METTL16: variants seen among roughly 807,000 people sequenced by gnomAD.
METTL16 encodes the protein methyltransferase 16, RNA N6-adenosine, also known as RNA N(6)-adenosine-methyltransferase METTL16.
Under a neutral mutation model 57.9 loss-of-function variants are expected in METTL16, and 19 were observed. That is an observed-to-expected ratio of 0.33 (90% CI 0.23 to 0.48). The LOEUF is 0.48. Among genes scored for constraint, METTL16 ranks in the 20% least tolerant of loss-of-function variants. The probability of loss-of-function intolerance (pLI) is 0.99; values close to 1 mark genes in which losing one functional copy is unlikely to be tolerated. For missense variants in METTL16, 434 were observed against 691.5 expected (o/e 0.63, Z 4.18); for synonymous variants, 246 against 255.6 (o/e 0.96, Z 0.36).
At chr17:2,429,938 G>A (rs1040063341) in intron 8 of METTL16, among the ~76,000 whole-genome samples, 5 of 151,658 alleles carry the variant, frequency 3.3e-5, no homozygotes, top group Non-Finnish European at 5.9e-5. Context: ...AGCCTCCCGA[G>A]TAGCTGGGAT....
chr17:2,508,236 C>A (rs1016698847), intron 1 of METTL16, among the ~76,000 whole-genome samples: 2 of 152,092 alleles, frequency 1.3e-5, no homozygotes, highest in African/African-American at 4.8e-5. Flanking sequence ...TCTGTCAATG[C>A]TATTTCAGAT....
In METTL16 at chr17:2,451,444, C is replaced by G. The variant is rs1014670285; in HGVS notation, c.729-9885G>C. ...GACCAGCCTGGCCAACATGGGAAAC[C>G]CTGTCTCTATTAAAAAATACAAAAA... On this transcript the variant is annotated intron_variant, in intron 6 of 9. Transcript: ENST00000263092. Among the ~76,000 whole-genome samples the G allele has an allele frequency of 3.3e-5, 5 of 151,886 alleles. No homozygotes were observed. In the South Asian group the frequency reaches 1.0e-3, roughly 32 times the overall value.
intron 6 of METTL16, among the ~76,000 whole-genome samples, chr17:2,463,611 A>G (rs367906444): frequency 4.5e-4 from 68 of 151,812 alleles, no homozygotes; most frequent in Admixed American, 1.4e-3. Flanking sequence ...ACAGGCACCC[A>G]CCACCACACC....
intron 6 of METTL16, among the ~76,000 whole-genome samples, chr17:2,458,361 G>A (rs1426335558): frequency 6.6e-6 from 1 of 151,364 alleles, no homozygotes; most frequent in Non-Finnish European, 1.5e-5. Flanking sequence ...GGTAACCAAT[G>A]ACAAGAGAGA....
At chr17:2,454,006 T>A (rs1364944972) in intron 6 of METTL16, among the ~76,000 whole-genome samples, 2 of 152,228 alleles carry the variant, frequency 1.3e-5, no homozygotes, top group Non-Finnish European at 2.9e-5. Context: ...ATGTACTGTA[T>A]CTTATTCAAT....
chr17:2,482,114 T>A (rs991393370), intron 2 of METTL16, among the ~76,000 whole-genome samples: 2 of 151,890 alleles, frequency 1.3e-5, no homozygotes, highest in South Asian at 4.2e-4. Flanking sequence ...AGGAGTAGAG[T>A]TTTCACGAGC....
chr17:2,469,816 C>A (rs542788608), intron 4 of METTL16, among the ~76,000 whole-genome samples: 4 of 152,080 alleles, frequency 2.6e-5, no homozygotes, highest in African/African-American at 9.7e-5. Context: ...CCACCGCACC[C>A]GGCCTATGTA....
chr17:2,464,703 G>T (rs905465301), intron 5 of METTL16, among the ~76,000 whole-genome samples: 2 of 151,886 alleles, frequency 1.3e-5, no homozygotes, highest in Non-Finnish European at 2.9e-5. Flanking sequence ...GCATTTTCAC[G>T]GTTTTGCTTT....
At chr17:2,424,801 A>T (rs1433789535) in intron 8 of METTL16, among the ~76,000 whole-genome samples, 1 of 152,018 alleles carries the variant, frequency 6.6e-6, no homozygotes, top group African/African-American at 2.4e-5. Flanking sequence ...ACAAAAAATT[A>T]GCCAGGCGTG....
At chr17:2,468,968 C>T (rs1567896736) in intron 4 of METTL16, among the ~76,000 whole-genome samples, 1 of 151,646 alleles carries the variant, frequency 6.6e-6, no homozygotes, top group African/African-American at 2.4e-5. Flanking sequence ...GGCATGGTGG[C>T]TCATGCCTAT....
chr17:2,438,248 T>A (rs756385599), intron 7 of METTL16, 50 bp from the exon 8 acceptor site: 2 of 1,355,682 alleles, frequency 1.5e-6, no homozygotes, highest in East Asian at 4.6e-5. Context: ...ATTCTACCAA[T>A]ATGTTTCTGG....
At chr17:2,510,733 G>A (rs890601362) in intron 1 of METTL16, among the ~76,000 whole-genome samples, 1 of 151,652 alleles carries the variant, frequency 6.6e-6, no homozygotes, top group Non-Finnish European at 1.5e-5. Flanking sequence ...TGGAATCATA[G>A]CTCCCTGCAG....
intron 8 of METTL16, among the ~76,000 whole-genome samples, chr17:2,429,863 T>G (rs1238141581): frequency 6.6e-6 from 1 of 151,680 alleles, no homozygotes; most frequent in East Asian, 1.9e-4. Flanking sequence ...CAGGCTGGAG[T>G]GCAGTGGCAC....
At chr17:2,470,461 T>A (rs1257274659) in intron 4 of METTL16, among the ~76,000 whole-genome samples, 1 of 152,174 alleles carries the variant, frequency 6.6e-6, no homozygotes, top group Non-Finnish European at 1.5e-5. Context: ...TTTGCCACTA[T>A]GCACAAGTCT....
intron 2 of METTL16, among the ~76,000 whole-genome samples, chr17:2,487,003 C>CAA (rs11397318): frequency 0.039 from 2,144 of 55,438 alleles, 103 homozygotes; most frequent in Non-Finnish European, 0.044. Context: ...GATCCTGTCT[C>CAA]AAAAAAAAAA....
At chr17:2,475,403 A>G (rs959845080) in intron 3 of METTL16, 7 of 152,110 alleles carry the variant, frequency 4.6e-5, no homozygotes, top group African/African-American at 1.4e-4. Flanking sequence ...AAACACACAC[A>G]CAGTAAGAAC....
chr17:2,492,323 G>C (rs2067404344), intron 2 of METTL16, among the ~76,000 whole-genome samples: 1 of 152,158 alleles, frequency 6.6e-6, no homozygotes, highest in Admixed American at 6.5e-5. Flanking sequence ...ACTGATTATT[G>C]TGAAAAAACA....
intron 5 of METTL16, among the ~76,000 whole-genome samples, 157 bp downstream of exon 5, chr17:2,467,604 C>G (rs938519657): frequency 1.3e-5 from 2 of 151,938 alleles, no homozygotes; most frequent in African/African-American, 2.4e-5. Flanking sequence ...TTTTTTGTAT[C>G]TTTAGTAGAG....
chr17:2,470,432 A>G (rs1459920854), intron 4 of METTL16, among the ~76,000 whole-genome samples: 1 of 152,212 alleles, frequency 6.6e-6, no homozygotes, highest in Non-Finnish European at 1.5e-5. Flanking sequence ...GAACATGCAC[A>G]CTGGGGCAAC....
Sources: allele counts gnomAD v4.1 joint callset (sites outside exome capture counted in the v4.1 genomes callset), GRCh38; gene constraint gnomAD v4.1.1; transcripts MANE v1.5; gene names NCBI Gene and HGNC (gene_info 2026-07-23, HGNC 2026-07-21).